Variants in RUFY3 observed in about 807,000 individuals in gnomAD.
RUFY3 encodes protein RUFY3.
RUFY3 carries 34 observed loss-of-function variants against 84.0 expected under a neutral mutation model. That is an observed-to-expected ratio of 0.40 (90% CI 0.31 to 0.54). The LOEUF (loss-of-function observed/expected upper bound fraction) is 0.54. Among genes scored for constraint, RUFY3 ranks in the 20% least tolerant of loss-of-function variants. The probability of loss-of-function intolerance (pLI) is 0.39; values close to 1 mark genes in which losing one functional copy is unlikely to be tolerated. For synonymous variants in RUFY3, 242 were observed against 252.9 expected, an observed-to-expected ratio of 0.96 and a Z score of 0.41; for missense variants, 507 against 736.8, an observed-to-expected ratio of 0.69 and a Z score of 3.61.
At chr4:70,727,374 G>A (rs1269735473) in intron 1 of RUFY3, among the ~76,000 whole-genome samples, 5 of 47,762 alleles carry the variant, frequency 1.0e-4, no homozygotes, top group Non-Finnish European at 1.9e-4. Flanking sequence ...TTTTTTTTTT[G>A]AGACAGAGTC....
intron 1 of RUFY3, among the ~76,000 whole-genome samples, chr4:70,743,164 G>C (rs1721593295): frequency 6.6e-6 from 1 of 152,088 alleles, no homozygotes. Flanking sequence ...TGCCTCCTGG[G>C]GTTCAAGCAA....
At chr4:70,778,271 AT>A in intron 7 of RUFY3, 97 bp from the exon 8 acceptor site, 1 of 512,386 alleles carries the variant, frequency 2.0e-6, no homozygotes, top group East Asian at 3.2e-5. Context: ...AATTATGAAC[AT>A]TAGACAATGA....
chr4:70,775,106 G>C lies in RUFY3; in HGVS notation c.759-62G>C. The C allele has an allele frequency of 5.1e-6, 6 of 1,181,232 alleles. No individual in the cohort carries two copies. In the East Asian group the frequency reaches 1.4e-4, roughly 28 times the overall value. 73.2% of individuals were successfully genotyped at this position (1,181,232 alleles called of 1,614,324 possible). A position where few individuals can be genotyped will look rare whatever the true frequency, so the allele number is the denominator to read the frequency against. On this transcript the variant is annotated intron_variant, in intron 6 of 17. Transcript: ENST00000381006. The stretch of plus-strand genomic sequence containing the variant: ...TTATGAAAAGATGGGGTGGGGTGGG[G>C]TTGGGATCTTGGTATTTCTTATGTT...
At chr4:70,801,369 T>A (rs1057137137) in intron 15 of RUFY3, among the ~76,000 whole-genome samples, 14 of 152,104 alleles carry the variant, frequency 9.2e-5, no homozygotes, top group African/African-American at 2.6e-4. Context: ...GGTGATGATG[T>A]TGTGTCAGTG....
At chr4:70,721,748 C>T (rs185057293), upstream of RUFY3, 1,226 of 521,884 alleles carry the variant, frequency 2.3e-3, 7 homozygotes, top group Non-Finnish European at 2.1e-3. Flanking sequence ...TCCTTTTATT[C>T]AGTCCTTGAT....
At chr4:70,734,620 G>A in intron 1 of RUFY3, 1 of 955,958 alleles carries the variant, frequency 1.0e-6, no homozygotes, top group Non-Finnish European at 1.2e-6. Context: ...TAGCTTCCAG[G>A]ATTTTGTAAA....
intron 5 of RUFY3, among the ~76,000 whole-genome samples, chr4:70,770,357 G>GA (rs1455024085): frequency 6.6e-6 from 1 of 152,222 alleles, no homozygotes; most frequent in Non-Finnish European, 1.5e-5. Flanking sequence ...TGACTACAGT[G>GA]AAAATCTGTT....
intron 4 of RUFY3, 58 bp from the exon 5 acceptor site, chr4:70,768,480 G>C: frequency 1.3e-6 from 2 of 1,571,122 alleles, no homozygotes; most frequent in South Asian, 2.3e-5. Context: ...TTTTGTCCTT[G>C]TCTCTGGATT....
intron 1 of RUFY3, among the ~76,000 whole-genome samples, chr4:70,725,270 C>T (rs1301024044): frequency 6.6e-6 from 1 of 152,030 alleles, no homozygotes; most frequent in African/African-American, 2.4e-5. Context: ...AAAGCATTCA[C>T]TTCATTATCT....
At chr4:70,710,529 G>T (rs541664514) in intron 1 of RUFY3, among the ~76,000 whole-genome samples, 1 of 151,652 alleles carries the variant, frequency 6.6e-6, no homozygotes, top group Non-Finnish European at 1.5e-5. Flanking sequence ...AATTAGCTGG[G>T]CATGGTGACG....
rs1234657025 is a variant in RUFY3, at chr4:70,768,667, G to A, written c.696+6G>A. The A allele has an allele frequency of 1.2e-6, 2 of 1,612,786 alleles. No homozygotes were observed. The highest frequency in any genetic ancestry group is 1.7e-6 in the Non-Finnish European group (2 of 1,179,608). Reference sequence around the variant, plus strand: ...GAGAAGACTTGGACTCTCAGGTATGGGAAAGAGACTCATTCCCATGGGTGT... The same window carrying A: ...GAGAAGACTTGGACTCTCAGGTATGAGAAAGAGACTCATTCCCATGGGTGT... On this transcript the variant is annotated splice_donor_region_variant and intron_variant, in intron 5 of 17. Coordinates refer to ENST00000381006, the MANE Select transcript of RUFY3 (RefSeq NM_001037442.4).
At chr4:70,738,473 C>A (rs1231145769) in intron 1 of RUFY3, among the ~76,000 whole-genome samples, 2 of 148,110 alleles carry the variant, frequency 1.4e-5, no homozygotes, top group East Asian at 4.0e-4. Context: ...AGCAATTATC[C>A]TGCCTCAGCC....
chr4:70,762,582 A>G lies in RUFY3; in HGVS notation c.242A>G (p.Lys81Arg). Reference protein sequence around the residue: ...NLMNMAKLSIKGLIESALNLG... With the variant: ...NLMNMAKLSIRGLIESALNLG... Reference sequence around the variant, plus strand: ...ATGAACATGGCCAAGCTGAGTATCAAGGGCTTGATTGAATCAGCTCTGAAC... The same window carrying G: ...ATGAACATGGCCAAGCTGAGTATCAGGGGCTTGATTGAATCAGCTCTGAAC... Residue 81 changes from lysine to arginine, a missense_variant, in exon 2 of 18, where the codon AAG becomes AGG. Lys to Arg is a conservative substitution (Grantham distance 26, BLOSUM62 2). Coordinates refer to ENST00000381006, the MANE Select transcript of RUFY3 (RefSeq NM_001037442.4). The G allele has an allele frequency of 6.2e-7, 1 of 1,613,994 alleles. No homozygotes were observed. The highest frequency in any genetic ancestry group is 1.3e-5 in the African/African-American group (1 of 75,050).
At position 70,794,898 on chromosome 4, in the gene RUFY3, A is replaced by G; in HGVS notation, c.1557+4A>G. 2 of 1,544,148 alleles carry G rather than the reference A, an allele frequency of 1.3e-6. No individual in the cohort carries two copies. Among genetic ancestry groups the G allele is most frequent in the South Asian group, 2.3e-5 (2 of 88,610 alleles). On this transcript the variant is annotated splice_donor_region_variant and intron_variant, in intron 14 of 17. Transcript: ENST00000381006. ...CCAGAAGTCAGAATCCAAGATGGTA[A>G]TATTTGCTATTCCCTTGTTCTTTTA...
At chr4:70,716,405 C>T (rs1741620702) in intron 1 of RUFY3, among the ~76,000 whole-genome samples, 1 of 152,048 alleles carries the variant, frequency 6.6e-6, no homozygotes, top group African/African-American at 2.4e-5. Context: ...CTCAGCCTCC[C>T]GAAGTGCTGG....
chr4:70,740,987 T>C (rs1202454229), intron 1 of RUFY3, among the ~76,000 whole-genome samples: 1 of 152,212 alleles, frequency 6.6e-6, no homozygotes, highest in Non-Finnish European at 1.5e-5. Flanking sequence ...TGCAGAAATA[T>C]TAATGTGCTT....
intron 3 of RUFY3, 112 bp downstream of exon 3, chr4:70,763,781 A>G: frequency 7.7e-7 from 1 of 1,306,898 alleles, no homozygotes; most frequent in Non-Finnish European, 1.0e-6. Flanking sequence ...TAACAATCCA[A>G]AATGCATGAT....
At chr4:70,734,238 T>C in intron 1 of RUFY3, 1 of 227,496 alleles carries the variant, frequency 4.4e-6, no homozygotes. Flanking sequence ...CAGCATTTGA[T>C]TTATTCCTTT....
At position 70,722,429 on chromosome 4, in the gene RUFY3, A is replaced by G; in HGVS notation, c.-145A>G. ...GGTATTTTTCCTTTTTTTTTTTTTT[A>G]AACCTCCCCCACCCTTTTCCTGAAA... is the stretch of plus-strand genomic sequence containing the variant. On this transcript the variant is annotated 5_prime_UTR_variant, in exon 1 of 18. Coordinates refer to ENST00000381006, the MANE Select transcript of RUFY3 (RefSeq NM_001037442.4). 1 of 1,309,098 alleles carries G rather than the reference A, an allele frequency of 7.6e-7. No individual in the cohort carries two copies. The highest frequency in any genetic ancestry group is 3.2e-5 in the Admixed American group (1 of 31,246). The allele number at this position is 1,309,098 out of a possible 1,614,324, so 81.1% of individuals were successfully genotyped here.
Sources: gnomAD v4.1 joint callset for allele counts (sites outside exome capture counted in the v4.1 genomes callset) on GRCh38, gnomAD v4.1.1 for gene constraint, MANE v1.5 for transcripts, NCBI Gene and HGNC (gene_info 2026-07-23, HGNC 2026-07-21) for gene names.